Variants in EIF2AK1 observed in about 807,000 individuals in gnomAD.
The protein encoded by EIF2AK1 is eukaryotic translation initiation factor 2 alpha kinase 1, also known as eukaryotic translation initiation factor 2-alpha kinase 1.
Under a neutral mutation model 77.9 loss-of-function variants are expected in EIF2AK1, and 54 were observed. The observed-to-expected ratio is 0.69, with a 90% CI of 0.56 to 0.87. The LOEUF (loss-of-function observed/expected upper bound fraction) is 0.87, where lower values mean the gene tolerates loss of function less well. Among genes scored for constraint, EIF2AK1 ranks in the 40% least tolerant of loss-of-function variants. The probability of loss-of-function intolerance (pLI) is 0.00; values close to 1 mark genes in which losing one functional copy is unlikely to be tolerated. For synonymous variants in EIF2AK1, 314 were observed against 290.5 expected (o/e 1.08, Z -0.82); for missense variants, 810 against 768.6 (o/e 1.05, Z -0.64).
In EIF2AK1 at chr7:6,022,999, C is replaced by T. The variant is rs1159485367; in HGVS notation, c.*1674G>A. The T allele has an allele frequency of 3.4e-6, 1 of 291,640 alleles. No homozygotes were observed. Among genetic ancestry groups the T allele is most frequent in the East Asian group, 6.6e-5 (1 of 15,106 alleles). The allele number at this position is 291,640 out of a possible 1,614,324, so 18.1% of individuals were successfully genotyped here. On this transcript the variant is annotated 3_prime_UTR_variant, in exon 15 of 15. Coordinates refer to ENST00000199389, the MANE Select transcript of EIF2AK1 (RefSeq NM_014413.4). ...ATGCAGCTCCTGGGTTTCCAGCCCT[C>T]AGCCCCCAAAACCTTAGGCAGCAGG...
chr7:6,058,063 C>T, intron 1 of EIF2AK1: 1 of 447,898 alleles, frequency 2.2e-6, no homozygotes, highest in Non-Finnish European at 4.5e-6. Context: ...GCATCTCTTA[C>T]TCTATGCTAA....
chr7:6,056,359 C>CTG (rs1788760867), intron 1 of EIF2AK1, among the ~76,000 whole-genome samples: 2 of 146,802 alleles, frequency 1.4e-5, no homozygotes, highest in Non-Finnish European at 3.0e-5. Context: ...CTTTGGGAGG[C>CTG]CGAGGCAGCT....
chr7:6,023,980 G>C lies in EIF2AK1; in HGVS notation c.*693C>G. On this transcript the variant is annotated 3_prime_UTR_variant, in exon 15 of 15. Transcript: ENST00000199389. The stretch of plus-strand genomic sequence containing the variant: ...GGATGTACAGATTGGCTGGGGAGCT[G>C]AGTGCTACAATAAAGGAGGAAGTAC... The C allele has an allele frequency of 7.3e-7, 1 of 1,373,420 alleles. No individual in the cohort carries two copies. The highest frequency in any genetic ancestry group is 9.6e-7 in the Non-Finnish European group (1 of 1,044,810). 85.1% of individuals were successfully genotyped at this position (1,373,420 alleles called of 1,614,324 possible). A position where few individuals can be genotyped will look rare whatever the true frequency, so the allele number is the denominator to read the frequency against.
chr7:6,049,947 G>A lies in EIF2AK1; in HGVS notation c.376C>T (p.His126Tyr), dbSNP rs1309587940. The change falls in exon 3 of 15, where the codon CAC (histidine) becomes TAC (tyrosine). Residue 126 changes from histidine (H) to tyrosine (Y), a missense_variant. Around this residue, in one of 3 missense-constraint regions of EIF2AK1, gnomAD observed 246 missense variants for 199.0 expected, o/e 1.24. Transcript: ENST00000199389. Reference sequence around the variant, plus strand: ...CTCTCTTTAGCAGACCTCATTAAGTGAGTAATAGCTCTGTTGTGATGTAGT... The same window carrying A: ...CTCTCTTTAGCAGACCTCATTAAGTAAGTAATAGCTCTGTTGTGATGTAGT... ...LRLHHNRAITHLMRSAKERVR... is the reference protein window; with the variant it reads ...LRLHHNRAITYLMRSAKERVR... The A allele has an allele frequency of 6.2e-7, 1 of 1,612,638 alleles. No homozygotes were observed. Among genetic ancestry groups the A allele is most frequent in the East Asian group, 2.2e-5 (1 of 44,818 alleles).
In EIF2AK1 at chr7:6,058,986, C is replaced by A. The variant is rs761038678; in HGVS notation, c.98G>T (p.Gly33Val). Residue 33 changes from glycine to valine, a missense_variant, in exon 1 of 15, where the codon GGC becomes GTC. Gly to Val is a moderately radical substitution (Grantham distance 109, BLOSUM62 -3). This residue lies in a region of EIF2AK1 where 246 missense variants were observed against 199.0 expected (regional missense o/e 1.24). Transcript: ENST00000199389. ...APPAIDFPAE[G>V]PDPEYDESDV... ...CTCACCGTCATATTCGGGGTCCGGGCCCTCGGCGGGAAAGTCGATGGCCGG... is the reference window on the plus strand; with the variant it reads ...CTCACCGTCATATTCGGGGTCCGGGACCTCGGCGGGAAAGTCGATGGCCGG... 1 of 1,542,058 alleles carries A rather than the reference C, an allele frequency of 6.5e-7. No homozygotes were observed. The highest frequency in any genetic ancestry group is 2.0e-5 in the Admixed American group (1 of 50,606).
intron 8 of EIF2AK1, 88 bp from the exon 9 acceptor site, chr7:6,041,307 G>A (rs1788290267): frequency 1.5e-6 from 2 of 1,362,510 alleles, no homozygotes; most frequent in Non-Finnish European, 2.0e-6. Flanking sequence ...GGGAGGCTGA[G>A]GCGGGCAGAT....
At chr7:6,030,762 G>A (rs956607234) in intron 11 of EIF2AK1, among the ~76,000 whole-genome samples, 8 of 152,180 alleles carry the variant, frequency 5.3e-5, no homozygotes, top group African/African-American at 1.9e-4. Context: ...CTCTCAAAGT[G>A]CTGGGATTAC....
chr7:6,058,245 G>C (rs1562763053), intron 1 of EIF2AK1: 4 of 412,942 alleles, frequency 9.7e-6, no homozygotes, highest in South Asian at 6.8e-5. Flanking sequence ...CCACATCTCT[G>C]CAAAAAAAAA....
At chr7:6,058,488 C>A (rs545337388) in intron 1 of EIF2AK1, among the ~76,000 whole-genome samples, 3 of 152,164 alleles carry the variant, frequency 2.0e-5, no homozygotes, top group Non-Finnish European at 4.4e-5. Context: ...TATAAGAAAT[C>A]TTTAGTTCTC....
rs1787683211 is a variant in EIF2AK1 at position 6,024,573 on chromosome 7, T to G, written c.*100A>C. ...ACTCTGACATCTTTAACAAGTCTTG[T>G]AAAGGCTTACTAAATACAACGAAGC... On this transcript the variant is annotated 3_prime_UTR_variant, in exon 15 of 15. Coordinates refer to ENST00000199389, the MANE Select transcript of EIF2AK1 (RefSeq NM_014413.4). The G allele has an allele frequency of 6.4e-7, 1 of 1,567,808 alleles. No individual in the cohort carries two copies. Among genetic ancestry groups the G allele is most frequent in the South Asian group, 1.2e-5 (1 of 83,470 alleles).
intron 14 of EIF2AK1, among the ~76,000 whole-genome samples, chr7:6,025,385 C>T (rs1583472307): frequency 1.2e-5 from 1 of 85,420 alleles, no homozygotes; most frequent in Admixed American, 1.1e-4. Flanking sequence ...TGGTCTTGAA[C>T]TCCTGACCTC....
Position 6,036,229 on chromosome 7 carries a change from T to A in EIF2AK1, c.1332+1195A>T. On this transcript the variant is annotated intron_variant, in intron 11 of 14. Transcript: ENST00000199389. This position sits in a 1 kb window ranked among gnomAD's most constrained non-coding sequence, Gnocchi z 4.6. ...TTCCGCCTCTTAAGGGACACCCTAA[T>A]AAAGCAATCGCAAAAACCTTTATCC... 1 of 1,550,154 alleles carries A rather than the reference T, an allele frequency of 6.5e-7. No homozygotes were observed.
chr7:6,037,570 A>G, intron 10 of EIF2AK1, 46 bp from the exon 11 acceptor site: 1 of 1,134,400 alleles, frequency 8.8e-7, no homozygotes, highest in Non-Finnish European at 1.3e-6. Flanking sequence ...TTTTTTACTC[A>G]TTACATGGGC....
chr7:6,028,481 A>C (rs1583475470), intron 13 of EIF2AK1, 134 bp downstream of exon 13: 1 of 747,422 alleles, frequency 1.3e-6, no homozygotes. Context: ...TGAACTCCTG[A>C]CCTCCGGTGA....
chr7:6,055,866 C>T (rs927979982), intron 1 of EIF2AK1, among the ~76,000 whole-genome samples: 1 of 149,732 alleles, frequency 6.7e-6, no homozygotes, highest in African/African-American at 2.5e-5. Flanking sequence ...GTAATCAATC[C>T]TAGCCACTCA....
chr7:6,024,075 A>G lies in EIF2AK1; in HGVS notation c.*598T>C, dbSNP rs1219423455. On this transcript the variant is annotated 3_prime_UTR_variant, in exon 15 of 15. Coordinates refer to ENST00000199389, the MANE Select transcript of EIF2AK1 (RefSeq NM_014413.4). ...CTGGAGATCATCTGGGGTGCGGAGT[A>G]CAAAGCTTTGCAAGGGTGTGGTTTT... The G allele has an allele frequency of 3.8e-6, 5 of 1,302,856 alleles. No individual in the cohort carries two copies. The East Asian group carries it at 2.7e-4, about 70-fold the overall frequency. 80.7% of individuals were successfully genotyped at this position (1,302,856 alleles called of 1,614,324 possible). A position where few individuals can be genotyped will look rare whatever the true frequency, so the allele number is the denominator to read the frequency against.
In EIF2AK1 at chr7:6,035,518, C is replaced by A. The variant is rs1275484531; in HGVS notation, c.1332+1906G>T. On this transcript the variant is annotated intron_variant, in intron 11 of 14. Coordinates refer to ENST00000199389, the MANE Select transcript of EIF2AK1 (RefSeq NM_014413.4). This position sits in a 1 kb window ranked among gnomAD's most constrained non-coding sequence, Gnocchi z 5.5. Reference sequence around the variant, plus strand: ...GTCACTTCCACCACGTGGGCAAAACCAGGCAACAGAACGCACAGGATCCTG... The same window carrying A: ...GTCACTTCCACCACGTGGGCAAAACAAGGCAACAGAACGCACAGGATCCTG... The A allele has an allele frequency of 3.2e-6, 5 of 1,551,204 alleles. No individual in the cohort carries two copies. The highest frequency in any genetic ancestry group is 4.4e-6 in the Non-Finnish European group (5 of 1,147,130).
chr7:6,041,074 T>G lies in EIF2AK1; in HGVS notation c.937A>C (p.Ile313Leu). 6.2e-7 allele frequency: 1 copy of G among 1,614,152 alleles called. No homozygotes were observed. Among genetic ancestry groups the G allele is most frequent in the African/African-American group, 1.3e-5 (1 of 75,036 alleles). ...KSVKYTTNLVIRESGELESTL... is the reference protein window; with the variant it reads ...KSVKYTTNLVLRESGELESTL... The stretch of plus-strand genomic sequence containing the variant: ...GACTCAAGTTCACCAGATTCTCTTA[T>G]GACTAAATTGGTGGTGTACTTCACC... The change falls in exon 9 of 15, where the codon ATA becomes CTA. Residue 313 changes from isoleucine to leucine, a missense_variant. Physicochemically the swap from Ile to Leu is conservative, Grantham distance 5 (BLOSUM62 2). This residue lies in a region of EIF2AK1 where 549 missense variants were observed against 533.7 expected (regional missense o/e 1.03). Coordinates refer to ENST00000199389, the MANE Select transcript of EIF2AK1 (RefSeq NM_014413.4).
intron 1 of EIF2AK1, among the ~76,000 whole-genome samples, chr7:6,055,597 T>C (rs374034639): frequency 1.3e-5 from 2 of 150,520 alleles, no homozygotes; most frequent in Non-Finnish European, 2.9e-5. Context: ...TATGAGACCA[T>C]GCAGACAGAC....
Sources: gnomAD v4.1 joint callset for allele counts (sites outside exome capture counted in the v4.1 genomes callset) on GRCh38, gnomAD v4.1.1 for gene constraint, gnomAD v4.1.1 regional missense constraint, Gnocchi (gnomAD v3.1) non-coding constraint, MANE v1.5 for transcripts, NCBI Gene and HGNC (gene_info 2026-07-23, HGNC 2026-07-21) for gene names.